The following MACROD1 variants were observed in gnomAD, a reference collection of about 807,000 sequenced individuals.
The protein encoded by MACROD1 is mono-ADP ribosylhydrolase 1.
Under a neutral mutation model 41.4 loss-of-function variants are expected in MACROD1, and 31 were observed. The observed-to-expected ratio is 0.75, with a 90% CI of 0.56 to 1.01. The LOEUF (loss-of-function observed/expected upper bound fraction) is 1.01. Among genes scored for constraint, MACROD1 ranks in the 50% least tolerant of loss-of-function variants. The pLI is 0.00. For missense variants in MACROD1, 473 were observed against 460.0 expected, an observed-to-expected ratio of 1.03 and a Z score of -0.26; for synonymous variants, 252 against 203.4, an observed-to-expected ratio of 1.24 and a Z score of -2.03.
At chr11:64,078,074 C>T (rs1363831652) in intron 3 of MACROD1, among the ~76,000 whole-genome samples, 1 of 152,210 alleles carries the variant, frequency 6.6e-6, no homozygotes, top group African/African-American at 2.4e-5. Context: ...AATGGCCTTC[C>T]CTTTCACAGT....
chr11:64,033,426 G>T (rs1943319780), intron 3 of MACROD1, among the ~76,000 whole-genome samples: 1 of 152,166 alleles, frequency 6.6e-6, no homozygotes, highest in Non-Finnish European at 1.5e-5. Flanking sequence ...GGACAAGGTT[G>T]CCCAGGCTGG....
chr11:64,058,582 G>T (rs1214793341), intron 3 of MACROD1, among the ~76,000 whole-genome samples: 1 of 152,264 alleles, frequency 6.6e-6, no homozygotes, highest in East Asian at 1.9e-4. Flanking sequence ...GGTGGTGGAG[G>T]AGCCGGCAGC....
intron 3 of MACROD1, among the ~76,000 whole-genome samples, chr11:64,111,656 G>C (rs1283983720): frequency 1.3e-5 from 2 of 152,214 alleles, no homozygotes; most frequent in Non-Finnish European, 2.9e-5. Context: ...GCCTGTGAAG[G>C]GGGGTGGGTG....
chr11:64,070,980 G>A (rs34445666), intron 3 of MACROD1, among the ~76,000 whole-genome samples: 18,540 of 152,116 alleles, frequency 0.12, 1,497 homozygotes, highest in Non-Finnish European at 0.17. Context: ...GCTCTGAAGG[G>A]TTTGACTATT....
At chr11:64,160,110 A>G (rs1945732061) in intron 1 of MACROD1, among the ~76,000 whole-genome samples, 1 of 152,166 alleles carries the variant, frequency 6.6e-6, no homozygotes, top group African/African-American at 2.4e-5. Context: ...GGAAATACCG[A>G]GCAAACGCCC....
At chr11:64,042,174 ATGCACACACTCT>A (rs1232263701) in intron 3 of MACROD1, among the ~76,000 whole-genome samples, 2 of 152,226 alleles carry the variant, frequency 1.3e-5, no homozygotes, top group South Asian at 2.1e-4. Flanking sequence ...ATGCACCTTC[ATGCACACACTCT>A]TGCACACACA....
At chr11:64,042,724 C>G (rs989654553) in intron 3 of MACROD1, among the ~76,000 whole-genome samples, 1 of 152,178 alleles carries the variant, frequency 6.6e-6, no homozygotes, top group Non-Finnish European at 1.5e-5. Context: ...TGCTTCATGC[C>G]TCAGTTTCCC....
In MACROD1 at chr11:64,067,576, G is replaced by A. The variant is rs1358714776; in HGVS notation, c.518-52295C>T. Among the ~76,000 whole-genome samples, 1 of 152,096 alleles carries A rather than the reference G, an allele frequency of 6.6e-6. No homozygotes were observed. Among genetic ancestry groups the A allele is most frequent in the Non-Finnish European group, 1.5e-5 (1 of 68,016 alleles). ...GACCCAAAGCAGGGACCAGGACCCA[G>A]GCTTGTCTCCCTCCTGTCCCTAGGT... On this transcript the variant is annotated intron_variant, in intron 3 of 10. Coordinates refer to ENST00000255681, the MANE Select transcript of MACROD1 (RefSeq NM_014067.4). This position sits in a 1 kb window ranked among gnomAD's most constrained non-coding sequence, Gnocchi z 4.6.
At chr11:64,135,303 C>T (rs905917770) in intron 3 of MACROD1, among the ~76,000 whole-genome samples, 6 of 152,220 alleles carry the variant, frequency 3.9e-5, no homozygotes, top group Admixed American at 1.3e-4. Context: ...AATTCCAGGC[C>T]CCCTCCCGGT....
chr11:64,108,313 C>CAA (rs59331409), intron 3 of MACROD1, among the ~76,000 whole-genome samples: 3 of 100,832 alleles, frequency 3.0e-5, no homozygotes, highest in Non-Finnish European at 4.2e-5. Flanking sequence ...AACTCTGTCT[C>CAA]AAAAAAAAAA....
At chr11:64,006,112 G>A (rs1004017511) in intron 4 of MACROD1, among the ~76,000 whole-genome samples, 2 of 152,212 alleles carry the variant, frequency 1.3e-5, no homozygotes, top group Non-Finnish European at 2.9e-5. Flanking sequence ...CTGCGTCAAG[G>A]GCAGACATCT....
At chr11:64,063,651 T>G (rs1283103116) in intron 3 of MACROD1, among the ~76,000 whole-genome samples, 1 of 152,098 alleles carries the variant, frequency 6.6e-6, no homozygotes, top group African/African-American at 2.4e-5. Context: ...TTGTGTGACG[T>G]GGGAGTGTGT....
At chr11:64,092,676 C>T (rs1163135218) in intron 3 of MACROD1, among the ~76,000 whole-genome samples, 1 of 152,228 alleles carries the variant, frequency 6.6e-6, no homozygotes, top group Non-Finnish European at 1.5e-5. Flanking sequence ...ACCAGGGAGG[C>T]ACAGGGCAGG....
At chr11:64,042,285 C>T (rs1438238903) in intron 3 of MACROD1, among the ~76,000 whole-genome samples, 1 of 152,154 alleles carries the variant, frequency 6.6e-6, no homozygotes, top group Non-Finnish European at 1.5e-5. Context: ...ATCTCACCCC[C>T]ACCTCTGGAA....
chr11:64,048,130 G>A (rs1943619745), intron 3 of MACROD1, among the ~76,000 whole-genome samples: 1 of 152,178 alleles, frequency 6.6e-6, no homozygotes, highest in Admixed American at 6.5e-5. Flanking sequence ...AGCAGGGCCG[G>A]GCAGGGGCCC....
intron 3 of MACROD1, among the ~76,000 whole-genome samples, chr11:64,095,066 C>A (rs1363629294): frequency 1.3e-5 from 2 of 152,156 alleles, no homozygotes; most frequent in African/African-American, 4.8e-5. Context: ...GGCAGGCTCC[C>A]AAATGAAAAG....
intron 3 of MACROD1, among the ~76,000 whole-genome samples, chr11:64,033,505 G>A (rs1943320720): frequency 6.6e-6 from 1 of 152,110 alleles, no homozygotes; most frequent in Non-Finnish European, 1.5e-5. Context: ...TCTCGCCTCA[G>A]CCTCCTGAGT....
At chr11:64,014,498 G>A (rs1476858101) in intron 4 of MACROD1, among the ~76,000 whole-genome samples, 12 of 152,210 alleles carry the variant, frequency 7.9e-5, no homozygotes, top group Non-Finnish European at 2.9e-5. Context: ...CACGGCCCCC[G>A]GGATTTATCC....
At chr11:64,000,943 G>T (rs950916549) in intron 4 of MACROD1, among the ~76,000 whole-genome samples, 2 of 152,218 alleles carry the variant, frequency 1.3e-5, no homozygotes, top group Non-Finnish European at 2.9e-5. Context: ...TTCCAGCCGC[G>T]CGGGGAGGTG....
Sources: gnomAD v4.1 joint callset for allele counts (sites outside exome capture counted in the v4.1 genomes callset) on GRCh38, gnomAD v4.1.1 for gene constraint, Gnocchi (gnomAD v3.1) non-coding constraint, MANE v1.5 for transcripts, NCBI Gene and HGNC (gene_info 2026-07-23, HGNC 2026-07-21) for gene names.